PTPRT: variants seen among roughly 807,000 people sequenced by gnomAD.
PTPRT encodes the protein protein tyrosine phosphatase receptor type T.
PTPRT carries 56 observed loss-of-function variants against 176.8 expected under a neutral mutation model. The ratio of observed to expected loss-of-function variants is 0.32; its 90% CI spans 0.26 to 0.40. The LOEUF (loss-of-function observed/expected upper bound fraction) is 0.40, where lower values mean the gene tolerates loss of function less well. Ranked by LOEUF, PTPRT falls within the 10% of genes least tolerant of loss-of-function variation. The probability of loss-of-function intolerance (pLI) is 1.00; values close to 1 mark genes in which losing one functional copy is unlikely to be tolerated. For synonymous variants in PTPRT, 783 were observed against 739.0 expected, an observed-to-expected ratio of 1.06 and a Z score of -0.96; for missense variants, 1,540 against 1,908.2, an observed-to-expected ratio of 0.81 and a Z score of 3.60.
chr20:42,574,107 T>C (rs2073213712), intron 7 of PTPRT, among the ~76,000 whole-genome samples: 1 of 152,146 alleles, frequency 6.6e-6, no homozygotes, highest in South Asian at 2.1e-4. Context: ...TGGAGAAGCA[T>C]TGAGCCTGCC....
At chr20:42,961,940 T>C (rs142383142) in intron 1 of PTPRT, among the ~76,000 whole-genome samples, 2 of 152,254 alleles carry the variant, frequency 1.3e-5, no homozygotes, top group Non-Finnish European at 2.9e-5. Flanking sequence ...CGCAAGGCCA[T>C]GAGCCCAGGA....
intron 1 of PTPRT, among the ~76,000 whole-genome samples, chr20:43,058,814 T>C (rs192809570): frequency 1.3e-4 from 19 of 149,068 alleles, no homozygotes; most frequent in South Asian, 1.1e-3. Flanking sequence ...TAAGAAAACC[T>C]TATTTTTTTT....
At chr20:42,667,143 G>A (rs2075330548) in intron 7 of PTPRT, among the ~76,000 whole-genome samples, 1 of 152,140 alleles carries the variant, frequency 6.6e-6, no homozygotes, top group South Asian at 2.1e-4. Context: ...TTTTTCATCA[G>A]TGTATTCCTG....
At chr20:42,647,582 T>A (rs1157668) in intron 7 of PTPRT, among the ~76,000 whole-genome samples, 44,337 of 151,970 alleles carry the variant, frequency 0.29, 9,999 homozygotes, top group African/African-American at 0.63. Flanking sequence ...AAAATCAGCC[T>A]GATCCTCAGG....
chr20:42,359,262 G>A (rs909303425), intron 9 of PTPRT, among the ~76,000 whole-genome samples: 1 of 152,182 alleles, frequency 6.6e-6, no homozygotes, highest in African/African-American at 2.4e-5. Context: ...GGGTCCCTTT[G>A]GAGGGTCTGG....
chr20:43,046,683 A>G (rs763909739), intron 1 of PTPRT, among the ~76,000 whole-genome samples: 2 of 152,178 alleles, frequency 1.3e-5, no homozygotes, highest in Non-Finnish European at 2.9e-5. Context: ...CCTGGACCCA[A>G]GGAACCAGCC....
chr20:42,717,768 T>A (rs1282444831), intron 6 of PTPRT, among the ~76,000 whole-genome samples: 1 of 152,142 alleles, frequency 6.6e-6, no homozygotes, highest in Non-Finnish European at 1.5e-5. Context: ...AGGACTCAGA[T>A]CTAGTAAATA....
chr20:42,354,741 C>A (rs934608278), intron 9 of PTPRT, among the ~76,000 whole-genome samples: 2 of 152,224 alleles, frequency 1.3e-5, no homozygotes, highest in African/African-American at 2.4e-5. Context: ...AGGAAGCACA[C>A]CAACTTCCCT....
chr20:42,494,361 T>C (rs1001795128), intron 7 of PTPRT, among the ~76,000 whole-genome samples: 3 of 152,116 alleles, frequency 2.0e-5, no homozygotes, highest in African/African-American at 7.2e-5. Context: ...TTATAAAGAA[T>C]AATGAAGTAG....
Position 42,491,519 on chromosome 20 carries a change from C to A in PTPRT, c.1154-18957G>T, listed in dbSNP as rs149733154. ...GGAATACTGTGTCAAGAGGTGGAGC[C>A]TTTAGGGGTCCACCTTCAAAGATGG... On this transcript the variant is annotated intron_variant, in intron 7 of 30. Coordinates refer to ENST00000373187, the MANE Select transcript of PTPRT (RefSeq NM_007050.6). Among the ~76,000 whole-genome samples the A allele has an allele frequency of 4.9e-3, 742 of 152,234 alleles. 7 individuals carry two copies. Among genetic ancestry groups the A allele is most frequent in the African/African-American group, 0.017 (687 of 41,552 alleles).
chr20:43,138,878 C>G (rs771377169), intron 1 of PTPRT, among the ~76,000 whole-genome samples: 1 of 152,226 alleles, frequency 6.6e-6, no homozygotes, highest in Non-Finnish European at 1.5e-5. Flanking sequence ...GAGCCTCTGT[C>G]ACACTCAGTC....
At chr20:42,359,874 C>T (rs1203181462) in intron 9 of PTPRT, among the ~76,000 whole-genome samples, 1 of 152,204 alleles carries the variant, frequency 6.6e-6, no homozygotes, top group Admixed American at 6.5e-5. Context: ...TGCTGCGGCC[C>T]TGCAGGGGCT....
chr20:42,487,357 C>T (rs529302273), intron 7 of PTPRT, among the ~76,000 whole-genome samples: 94 of 152,252 alleles, frequency 6.2e-4, no homozygotes, highest in African/African-American at 2.0e-3. Flanking sequence ...CAGACCACAT[C>T]CCTGCACACA....
chr20:42,422,195 T>C (rs1165558774), intron 9 of PTPRT, among the ~76,000 whole-genome samples: 1 of 152,094 alleles, frequency 6.6e-6, no homozygotes, highest in Non-Finnish European at 1.5e-5. Context: ...AAAGCAAAAC[T>C]TGACAAATGG....
At chr20:42,881,948 G>T (rs1417538082) in intron 2 of PTPRT, among the ~76,000 whole-genome samples, 2 of 152,130 alleles carry the variant, frequency 1.3e-5, no homozygotes, top group Non-Finnish European at 2.9e-5. Context: ...ATTGGATCAT[G>T]CAGGATCTTA....
intron 2 of PTPRT, among the ~76,000 whole-genome samples, chr20:42,825,468 A>G (rs1267560447): frequency 6.6e-6 from 1 of 152,186 alleles, no homozygotes; most frequent in African/African-American, 2.4e-5. Flanking sequence ...AAATGAGAAA[A>G]AAAAGCCATG....
intron 15 of PTPRT, among the ~76,000 whole-genome samples, chr20:42,220,946 T>A (rs528550439): frequency 6.6e-6 from 1 of 152,308 alleles, no homozygotes; most frequent in East Asian, 1.9e-4. Flanking sequence ...GCTCCTGTTT[T>A]AGGGACAGTG....
At chr20:42,480,409 C>A (rs546422589) in intron 7 of PTPRT, among the ~76,000 whole-genome samples, 1 of 152,122 alleles carries the variant, frequency 6.6e-6, no homozygotes, top group South Asian at 2.1e-4. Context: ...GGTTCTGAGT[C>A]TAGTTGACTA....
At chr20:42,363,349 C>T (rs772305502) in intron 9 of PTPRT, among the ~76,000 whole-genome samples, 212 of 108,752 alleles carry the variant, frequency 1.9e-3, no homozygotes, top group Non-Finnish European at 2.9e-3. Context: ...TCGCTGTTGT[C>T]GCTCAGGCTG....
Sources: gnomAD v4.1 joint callset for allele counts (sites outside exome capture counted in the v4.1 genomes callset) on GRCh38, gnomAD v4.1.1 for gene constraint, MANE v1.5 for transcripts, NCBI Gene and HGNC (gene_info 2026-07-23, HGNC 2026-07-21) for gene names.